The following WDR4 variants were observed in gnomAD, a reference collection of about 807,000 sequenced individuals.
The protein encoded by WDR4 is tRNA (guanine-N(7)-)-methyltransferase non-catalytic subunit WDR4.
WDR4 carries 47 observed loss-of-function variants against 48.6 expected under a neutral mutation model. That is an observed-to-expected ratio of 0.97 (90% CI 0.77 to 1.23). The LOEUF (loss-of-function observed/expected upper bound fraction) is 1.23, where lower values mean the gene tolerates loss of function less well. WDR4 is among the 50% of genes most tolerant of loss of function. WDR4 has a pLI of 0.00. For missense variants in WDR4, 606 were observed against 551.6 expected (o/e 1.10, Z -0.99); for synonymous variants, 268 against 230.0 (o/e 1.17, Z -1.49).
At chr21:42,892,953 CGAG>C in the WDR4 span, among the ~76,000 whole-genome samples, 1 of 152,250 alleles carries the variant, frequency 6.6e-6, no homozygotes, top group Non-Finnish European at 1.5e-5. Context: ...TTTAAGGCTG[CGAG>C]GACAAGGGCA....
intron 6 of WDR4, among the ~76,000 whole-genome samples, chr21:42,858,657 C>T (rs1471874878): frequency 6.6e-6 from 1 of 152,128 alleles, no homozygotes; most frequent in South Asian, 2.1e-4. Context: ...GAAGATTTTC[C>T]TCATATTATG....
the WDR4 span, among the ~76,000 whole-genome samples, chr21:42,889,495 T>C: frequency 2.0e-5 from 3 of 152,284 alleles, no homozygotes; most frequent in African/African-American, 7.2e-5. Flanking sequence ...CCTCTGGCGA[T>C]TTCCAGCCCA....
At chr21:42,855,417 C>G (rs971785517) in intron 7 of WDR4, among the ~76,000 whole-genome samples, 6 of 152,240 alleles carry the variant, frequency 3.9e-5, no homozygotes, top group Non-Finnish European at 7.3e-5. Flanking sequence ...GGTGCATGCT[C>G]AAGCACCTCC....
intron 3 of WDR4, among the ~76,000 whole-genome samples, chr21:42,866,918 G>C (rs550297404): frequency 6.6e-6 from 1 of 152,270 alleles, no homozygotes; most frequent in South Asian, 2.1e-4. Context: ...AGTTCAACTA[G>C]AGAAAGGGGA....
At chr21:42,880,763 C>T (rs536470580), upstream of WDR4, among the ~76,000 whole-genome samples, 1 of 152,270 alleles carries the variant, frequency 6.6e-6, no homozygotes, top group Admixed American at 6.5e-5. Flanking sequence ...CAACCTCCTT[C>T]CTGTCATTAG....
chr21:42,849,315 A>G lies in WDR4; in HGVS notation c.*734T>C, dbSNP rs1427045410. The stretch of plus-strand genomic sequence containing the variant: ...GCTGATCGGTGATTGAAATTCAGCA[A>G]CATCCCTGTGGCTCTGCAGTGTGTG... On this transcript the variant is annotated 3_prime_UTR_variant, in exon 11 of 11. Coordinates refer to ENST00000398208, the MANE Select transcript of WDR4 (RefSeq NM_018669.6). 3 of 152,400 alleles carry G rather than the reference A, an allele frequency of 2.0e-5. No individual in the cohort carries two copies. Among genetic ancestry groups the G allele is most frequent in the East Asian group, 1.9e-4 (1 of 5,196 alleles). The allele number at this position is 152,400 out of a possible 1,614,324, so 9.4% of individuals were successfully genotyped here.
chr21:42,888,900 C>T, the WDR4 span, among the ~76,000 whole-genome samples: 1 of 151,442 alleles, frequency 6.6e-6, no homozygotes, highest in Non-Finnish European at 1.5e-5. Context: ...GACAGGGTTT[C>T]ACCACGTTGG....
chr21:42,886,023 C>T, the WDR4 span, among the ~76,000 whole-genome samples: 49 of 145,136 alleles, frequency 3.4e-4, no homozygotes, highest in African/African-American at 1.2e-3. Flanking sequence ...GTGGCATCAT[C>T]TCGGCTCACT....
chr21:42,873,355 C>A (rs548620989), intron 3 of WDR4, among the ~76,000 whole-genome samples, 196 bp downstream of exon 3: 22 of 152,324 alleles, frequency 1.4e-4, no homozygotes, highest in Non-Finnish European at 2.5e-4. Flanking sequence ...AGCACCCCTG[C>A]ACCCTCCCAG....
upstream of WDR4, among the ~76,000 whole-genome samples, chr21:42,880,547 G>C (rs564886494): frequency 6.6e-6 from 1 of 152,140 alleles, no homozygotes; most frequent in Admixed American, 6.5e-5. Flanking sequence ...GTAATCACTG[G>C]TCCAAAGCAA....
chr21:42,876,218 C>CT lies in WDR4; in HGVS notation c.155+483dup, dbSNP rs373181618. ...CCGCACCCGGCACTAACACTGTACT[C>CT]TTTTTTTTTTTGGGAGACAGAGTCT... On this transcript the variant is annotated intron_variant, in intron 2 of 10. Coordinates refer to ENST00000398208, the MANE Select transcript of WDR4 (RefSeq NM_018669.6). Among the ~76,000 whole-genome samples the CT allele has an allele frequency of 5.3e-4, 56 of 105,854 alleles. 2 individuals carry two copies. Among genetic ancestry groups the CT allele is most frequent in the African/African-American group, 7.8e-4 (20 of 25,636 alleles). The allele number at this position is 105,854 out of a possible 152,430, so 69.4% of individuals were successfully genotyped here. A position where few individuals can be genotyped will look rare whatever the true frequency, so the allele number is the denominator to read the frequency against.
At chr21:42,877,656 A>G (rs1462042947) in intron 1 of WDR4, among the ~76,000 whole-genome samples, 2 of 151,924 alleles carry the variant, frequency 1.3e-5, no homozygotes, top group African/African-American at 2.4e-5. Context: ...GTTCTGTGGG[A>G]AAAAAAAGTT....
At chr21:42,843,439 G>A (rs567552788) in intron 11 of WDR4, among the ~76,000 whole-genome samples, 14 of 107,830 alleles carry the variant, frequency 1.3e-4, no homozygotes, top group South Asian at 3.0e-4. Flanking sequence ...TTTTGAGACC[G>A]TCACTCTGTC....
chr21:42,879,482 A>G lies in WDR4; in HGVS notation c.14T>C (p.Val5Ala), dbSNP rs1397380382. Residue 5 changes from valine to alanine, a missense_variant, in exon 1 of 11, where the codon GTG becomes GCG. Val to Ala is a moderately conservative substitution (Grantham distance 64). Coordinates refer to ENST00000398208, the MANE Select transcript of WDR4 (RefSeq NM_018669.6). ...CGTCTGCCCGCACAACGCCAGTCCC[A>G]CAGAGCCCGCCATGTACCCGCCCGC... MAGS[V>A]GLALCGQTLV... 6.2e-7 allele frequency: 1 copy of G among 1,613,114 alleles called. No individual in the cohort carries two copies. The highest frequency in any genetic ancestry group is 1.3e-5 in the African/African-American group (1 of 74,790).
intron 8 of WDR4, 53 bp downstream of exon 8, chr21:42,854,509 T>G (rs1282604786): frequency 1.3e-6 from 2 of 1,573,606 alleles, no homozygotes; most frequent in Non-Finnish European, 1.7e-6. Context: ...CGCTAACTCT[T>G]CCCCCTGCAG....
intron 6 of WDR4, among the ~76,000 whole-genome samples, chr21:42,857,201 CCT>C (rs1028765362): frequency 2.6e-5 from 4 of 152,224 alleles, no homozygotes; most frequent in Admixed American, 2.0e-4. Context: ...CCGAGGGGCC[CCT>C]GTCTCGGGGA....
intron 3 of WDR4, among the ~76,000 whole-genome samples, chr21:42,870,093 G>A (rs1350431340): frequency 1.3e-5 from 2 of 152,094 alleles, no homozygotes; most frequent in Non-Finnish European, 2.9e-5. Context: ...GCTCACGCCT[G>A]TAATCCCAAC....
intron 11 of WDR4, among the ~76,000 whole-genome samples, chr21:42,843,441 C>T (rs2057683885): frequency 7.8e-6 from 1 of 127,412 alleles, no homozygotes; most frequent in Non-Finnish European, 1.6e-5. Context: ...TTGAGACCGT[C>T]ACTCTGTCAC....
At chr21:42,890,580 C>G in the WDR4 span, among the ~76,000 whole-genome samples, 2 of 152,134 alleles carry the variant, frequency 1.3e-5, no homozygotes, top group South Asian at 2.1e-4. Context: ...CAAGGGGGAG[C>G]CTCTAGTAGT....
Sources: gnomAD v4.1 joint callset for allele counts (sites outside exome capture counted in the v4.1 genomes callset) on GRCh38, gnomAD v4.1.1 for gene constraint, MANE v1.5 for transcripts, NCBI Gene and HGNC (gene_info 2026-07-23, HGNC 2026-07-21) for gene names.